Variants in CHCHD6 observed in about 807,000 individuals in gnomAD.
The protein encoded by CHCHD6 is coiled-coil-helix-coiled-coil-helix domain containing 6, also known as MICOS complex subunit MIC25.
A neutral mutation model predicts 32.3 loss-of-function variants in CHCHD6; 28 were observed. That is an observed-to-expected ratio of 0.87 (90% CI 0.64 to 1.19). The LOEUF (loss-of-function observed/expected upper bound fraction) is 1.19. Ranked by LOEUF, CHCHD6 falls within the 50% of genes most tolerant of loss-of-function variation. CHCHD6 has a pLI of 0.00. For missense variants in CHCHD6, 333 were observed against 307.0 expected, an observed-to-expected ratio of 1.08 and a Z score of -0.63; for synonymous variants, 122 against 117.5, an observed-to-expected ratio of 1.04 and a Z score of -0.25.
chr3:126,883,211 A>G (rs1196791432), intron 5 of CHCHD6, among the ~76,000 whole-genome samples: 3 of 152,120 alleles, frequency 2.0e-5, no homozygotes, highest in Non-Finnish European at 2.9e-5. Context: ...CGATTTGTGA[A>G]CTGGTACACC....
chr3:126,812,746 G>A lies in CHCHD6; in HGVS notation c.412-39901G>A, dbSNP rs76445657. 3.1e-3 allele frequency among the ~76,000 whole-genome samples: 470 copies of A among 152,050 alleles called. 3 individuals are homozygous for A. Among genetic ancestry groups the A allele is most frequent in the Non-Finnish European group, 5.3e-3 (363 of 67,968 alleles). On this transcript the variant is annotated intron_variant, in intron 4 of 7. Coordinates refer to ENST00000290913, the MANE Select transcript of CHCHD6 (RefSeq NM_032343.3). ...CGTGCCCGGCCGCATCTCCATTCTT[G>A]CTTTAACTTTTATGACAATGCTTTT...
At chr3:126,706,052 AGG>A (rs1334623429) in intron 1 of CHCHD6, among the ~76,000 whole-genome samples, 3 of 152,160 alleles carry the variant, frequency 2.0e-5, no homozygotes, top group Admixed American at 2.0e-4. Flanking sequence ...GAAGGCCGAG[AGG>A]GAGGAACCTG....
intron 6 of CHCHD6, among the ~76,000 whole-genome samples, chr3:126,930,223 T>G (rs940641251): frequency 6.6e-5 from 10 of 152,260 alleles, no homozygotes; most frequent in Non-Finnish European, 1.3e-4. Context: ...TCCTTTTCCA[T>G]GTACTCCAAA....
chr3:126,839,664 A>G (rs914843901), intron 4 of CHCHD6, among the ~76,000 whole-genome samples: 1 of 151,956 alleles, frequency 6.6e-6, no homozygotes, highest in African/African-American at 2.4e-5. Context: ...AGTCCTTGTC[A>G]TACTCCCCAA....
chr3:126,910,875 G>A (rs2078079585), intron 5 of CHCHD6, among the ~76,000 whole-genome samples: 1 of 152,052 alleles, frequency 6.6e-6, no homozygotes. Flanking sequence ...ACATGTGTGT[G>A]CTCACTCACA....
At chr3:126,758,238 G>A (rs1271788633) in intron 4 of CHCHD6, among the ~76,000 whole-genome samples, 1 of 152,242 alleles carries the variant, frequency 6.6e-6, no homozygotes, top group African/African-American at 2.4e-5. Flanking sequence ...CCCATCAGCA[G>A]GTGCTGCCCT....
In CHCHD6 at chr3:126,802,880, A is replaced by G. The variant is rs534094940; in HGVS notation, c.412-49767A>G. On this transcript the variant is annotated intron_variant, in intron 4 of 7. Coordinates refer to ENST00000290913, the MANE Select transcript of CHCHD6 (RefSeq NM_032343.3). ...CAGCTGATCTCTCAGCAGAAACTCT[A>G]CAAGCCAGAAGAGAGTGGGGGCCGA... 2.8e-4 allele frequency among the ~76,000 whole-genome samples: 42 copies of G among 152,328 alleles called. No homozygotes were observed. The South Asian group carries it at 7.9e-3, about 29-fold the overall frequency.
rs188043644 is a variant in CHCHD6 at position 126,949,897 on chromosome 3, C to T, written c.567-7519C>T. The T allele has an allele frequency of 2.0e-3, 304 of 154,024 alleles. 2 individuals are homozygous for T. The highest frequency in any genetic ancestry group is 6.5e-3 in the Middle Eastern group (2 of 306). The allele number at this position is 154,024 out of a possible 1,614,324, so 9.5% of individuals were successfully genotyped here. A position where few individuals can be genotyped will look rare whatever the true frequency, so the allele number is the denominator to read the frequency against. ...GATGAGAAGGAAGGATGCACAGAAG[C>T]TTTTTTGATGAGAAGAAAAGGCTGC... On this transcript the variant is annotated intron_variant, in intron 6 of 7. Transcript: ENST00000290913.
At chr3:126,926,935 A>T (rs1432581294) in intron 6 of CHCHD6, among the ~76,000 whole-genome samples, 3 of 152,138 alleles carry the variant, frequency 2.0e-5, no homozygotes, top group African/African-American at 7.2e-5. Flanking sequence ...AACCGGCAGG[A>T]GGCTTCCTGC....
intron 5 of CHCHD6, among the ~76,000 whole-genome samples, chr3:126,887,732 G>A (rs924502016): frequency 6.6e-5 from 10 of 152,252 alleles, no homozygotes; most frequent in Admixed American, 3.3e-4. Context: ...CGGAAACACC[G>A]TGCATTGGGC....
intron 5 of CHCHD6, among the ~76,000 whole-genome samples, chr3:126,867,474 T>G (rs1480335586): frequency 6.6e-6 from 1 of 152,262 alleles, no homozygotes; most frequent in African/African-American, 2.4e-5. Flanking sequence ...GTCCATCATG[T>G]GCATGGGTTA....
intron 6 of CHCHD6, among the ~76,000 whole-genome samples, chr3:126,937,724 T>G (rs1315350130): frequency 6.6e-6 from 1 of 152,234 alleles, no homozygotes; most frequent in Non-Finnish European, 1.5e-5. Flanking sequence ...CAGAGCATGC[T>G]GGGTGGCTCT....
chr3:126,708,448 C>A (rs553583263), intron 1 of CHCHD6, among the ~76,000 whole-genome samples: 1 of 152,222 alleles, frequency 6.6e-6, no homozygotes, highest in East Asian at 1.9e-4. Flanking sequence ...ATTCTGGAGG[C>A]CACGCTGCAG....
At chr3:126,912,909 C>T (rs1242180500) in intron 5 of CHCHD6, among the ~76,000 whole-genome samples, 6 of 152,222 alleles carry the variant, frequency 3.9e-5, no homozygotes, top group Non-Finnish European at 7.3e-5. Flanking sequence ...CAGTTACCTT[C>T]CCTGCAGAAG....
At chr3:126,947,045 G>A (rs754907139) in intron 6 of CHCHD6, among the ~76,000 whole-genome samples, 4 of 152,228 alleles carry the variant, frequency 2.6e-5, no homozygotes, top group Non-Finnish European at 4.4e-5. Flanking sequence ...CGCTGGGCGC[G>A]CTCCACAGGA....
chr3:126,853,282 C>T (rs1304720929), intron 5 of CHCHD6, among the ~76,000 whole-genome samples: 2 of 149,036 alleles, frequency 1.3e-5, no homozygotes, highest in Admixed American at 6.7e-5. Context: ...ACCCCTACCA[C>T]GACTCTTGAA....
chr3:126,893,210 G>T (rs2077790092), intron 5 of CHCHD6, among the ~76,000 whole-genome samples: 1 of 152,164 alleles, frequency 6.6e-6, no homozygotes. Flanking sequence ...CTGCTGTCTC[G>T]GCTGGCCTCC....
intron 4 of CHCHD6, among the ~76,000 whole-genome samples, chr3:126,786,111 A>G (rs1938195278): frequency 2.0e-5 from 3 of 152,134 alleles, no homozygotes. Context: ...GTTTGCTGAG[A>G]ATGATGGTTT....
At chr3:126,847,077 T>C (rs1001699963) in intron 4 of CHCHD6, among the ~76,000 whole-genome samples, 1 of 152,208 alleles carries the variant, frequency 6.6e-6, no homozygotes, top group Non-Finnish European at 1.5e-5. Flanking sequence ...AATCAGTTCA[T>C]ATATTAGTTA....
Sources: gnomAD v4.1 joint callset for allele counts (sites outside exome capture counted in the v4.1 genomes callset) on GRCh38, gnomAD v4.1.1 for gene constraint, MANE v1.5 for transcripts, NCBI Gene and HGNC (gene_info 2026-07-23, HGNC 2026-07-21) for gene names.